BICC1: variants seen among roughly 807,000 people sequenced by gnomAD.
BICC1 encodes protein bicaudal C homolog 1.
In BICC1, 43 loss-of-function variants were observed where a neutral mutation model predicts 111.0. The observed-to-expected ratio is 0.39, with a 90% confidence interval of 0.30 to 0.50. The LOEUF (loss-of-function observed/expected upper bound fraction) is 0.50, where lower values mean the gene tolerates loss of function less well. Among genes scored for constraint, BICC1 ranks in the 20% least tolerant of loss-of-function variants. BICC1 has a pLI of 0.88. For synonymous variants in BICC1, 467 were observed against 434.4 expected, an observed-to-expected ratio of 1.07 and a Z score of -0.93; for missense variants, 1,091 against 1,203.2, an observed-to-expected ratio of 0.91 and a Z score of 1.38.
intron 2 of BICC1, among the ~76,000 whole-genome samples, chr10:58,651,892 C>T (rs1350438767): frequency 2.6e-5 from 4 of 152,062 alleles, no homozygotes; most frequent in Admixed American, 1.3e-4. Context: ...AGTAAAAGTG[C>T]ATCCTTTTCT....
At chr10:58,824,920 GA>G (rs1277676764) in intron 20 of BICC1, among the ~76,000 whole-genome samples, 1 of 152,110 alleles carries the variant, frequency 6.6e-6, no homozygotes, top group Non-Finnish European at 1.5e-5. Flanking sequence ...GGCGGAGGTT[GA>G]TGCATACTCA....
At chr10:58,684,443 A>C (rs1839644461) in intron 2 of BICC1, among the ~76,000 whole-genome samples, 1 of 152,194 alleles carries the variant, frequency 6.6e-6, no homozygotes, top group African/African-American at 2.4e-5. Context: ...TAGTTTTAGA[A>C]GGAATGGTAC....
At chr10:58,512,865 C>A (rs1478725336), upstream of BICC1, among the ~76,000 whole-genome samples, 3 of 148,138 alleles carry the variant, frequency 2.0e-5, no homozygotes, top group East Asian at 3.9e-4. Flanking sequence ...GGCAGCGCGG[C>A]GCGCTCATTC....
intron 2 of BICC1, 78 bp from the exon 3 acceptor site, chr10:58,701,996 C>G: frequency 6.4e-6 from 7 of 1,087,110 alleles, no homozygotes. Context: ...TGAAAATAAA[C>G]TTTTTTGTGT....
chr10:58,518,880 A>T (rs1842316673), intron 1 of BICC1, among the ~76,000 whole-genome samples: 1 of 151,992 alleles, frequency 6.6e-6, no homozygotes, highest in Non-Finnish European at 1.5e-5. Flanking sequence ...TGGAGCAAGC[A>T]CTCTCAGTCA....
rs142389761 is a variant in BICC1, at chr10:58,663,506, G to A, written c.238-38568G>A. Among the ~76,000 whole-genome samples, 186 of 152,262 alleles carry A rather than the reference G, an allele frequency of 1.2e-3. 2 individuals are homozygous for A. In the South Asian group the frequency reaches 0.021, roughly 17 times the overall value. On this transcript the variant is annotated intron_variant, in intron 2 of 20. Transcript: ENST00000373886. The stretch of plus-strand genomic sequence containing the variant: ...AGCCCCCAGGCTGTGCACTGGTATC[G>A]GCCTGTTAGGAATTGGGTCACACAG...
chr10:58,698,088 A>G (rs1319062210), intron 2 of BICC1, among the ~76,000 whole-genome samples: 4 of 152,184 alleles, frequency 2.6e-5, no homozygotes, highest in African/African-American at 9.6e-5. Flanking sequence ...GAAAATTTTG[A>G]CTTCCCGAAA....
At chr10:58,546,498 TA>T (rs1451499680) in intron 1 of BICC1, among the ~76,000 whole-genome samples, 5 of 152,168 alleles carry the variant, frequency 3.3e-5, no homozygotes, top group Non-Finnish European at 7.4e-5. Context: ...CCAAGTAAAA[TA>T]CCACCTGTTT....
chr10:58,775,379 A>AT (rs1842722589), intron 3 of BICC1, among the ~76,000 whole-genome samples: 1 of 151,098 alleles, frequency 6.6e-6, no homozygotes, highest in African/African-American at 2.5e-5. Flanking sequence ...GTCTCAAAAA[A>AT]AAACAAAAAA....
At chr10:58,556,881 T>G (rs1403823541) in intron 1 of BICC1, among the ~76,000 whole-genome samples, 1 of 152,094 alleles carries the variant, frequency 6.6e-6, no homozygotes, top group Non-Finnish European at 1.5e-5. Context: ...TATTCTAGTG[T>G]AACATCTTTT....
At chr10:58,776,074 T>C (rs1842741821) in intron 3 of BICC1, among the ~76,000 whole-genome samples, 1 of 152,252 alleles carries the variant, frequency 6.6e-6, no homozygotes, top group Non-Finnish European at 1.5e-5. Flanking sequence ...TTTTGCTGTT[T>C]CCTGCATGTA....
intron 1 of BICC1, among the ~76,000 whole-genome samples, chr10:58,543,423 G>T (rs1589081134): frequency 6.6e-6 from 1 of 152,114 alleles, no homozygotes; most frequent in South Asian, 2.1e-4. Context: ...AGGAAGTTCT[G>T]TGTTTCTTTT....
chr10:58,673,608 C>T (rs75918234), intron 2 of BICC1, among the ~76,000 whole-genome samples: 14 of 152,142 alleles, frequency 9.2e-5, no homozygotes, highest in Non-Finnish European at 1.9e-4. Context: ...AGTATTACCA[C>T]ATTCTTGTTA....
chr10:58,715,168 T>A (rs978472012), intron 3 of BICC1, among the ~76,000 whole-genome samples: 1 of 152,166 alleles, frequency 6.6e-6, no homozygotes, highest in Non-Finnish European at 1.5e-5. Flanking sequence ...GGCTTGTGGT[T>A]TATTATTACA....
At chr10:58,670,264 A>T (rs1839142692) in intron 2 of BICC1, among the ~76,000 whole-genome samples, 1 of 152,136 alleles carries the variant, frequency 6.6e-6, no homozygotes, top group South Asian at 2.1e-4. Context: ...CATACCAATT[A>T]CTAGTGTCAA....
chr10:58,710,218 G>A (rs929143836), intron 3 of BICC1, among the ~76,000 whole-genome samples: 1 of 152,180 alleles, frequency 6.6e-6, no homozygotes, highest in African/African-American at 2.4e-5. Flanking sequence ...TGGTTTTCCA[G>A]TTGGTAAGTA....
chr10:58,789,959 A>C (rs764653709), intron 8 of BICC1, 26 bp downstream of exon 8: 2 of 1,610,840 alleles, frequency 1.2e-6, no homozygotes, highest in South Asian at 1.1e-5. Context: ...TAAGTGTTAC[A>C]ATTTTTTTAA....
At chr10:58,747,495 T>A (rs768352304) in intron 3 of BICC1, among the ~76,000 whole-genome samples, 4 of 152,138 alleles carry the variant, frequency 2.6e-5, no homozygotes, top group Non-Finnish European at 5.9e-5. Flanking sequence ...GATTGAAAAA[T>A]TATCGTATAC....
chr10:58,648,595 C>T, intron 2 of BICC1: 2 of 984,080 alleles, frequency 2.0e-6, no homozygotes, highest in Non-Finnish European at 2.4e-6. Context: ...CTCTCTCTCT[C>T]TCTTTCTCTC....
Sources: gnomAD v4.1 joint callset for allele counts (sites outside exome capture counted in the v4.1 genomes callset) on GRCh38, gnomAD v4.1.1 for gene constraint, MANE v1.5 for transcripts, NCBI Gene and HGNC (gene_info 2026-07-23, HGNC 2026-07-21) for gene names.